The following TIAM2 variants were observed in gnomAD, a reference collection of about 807,000 sequenced individuals.
TIAM2 encodes the protein TIAM Rac1 associated GEF 2.
Under a neutral mutation model 152.9 loss-of-function variants are expected in TIAM2, and 80 were observed. The observed-to-expected ratio is 0.52, with a 90% CI of 0.44 to 0.63. The LOEUF is 0.63. Ranked by LOEUF, TIAM2 falls within the 30% of genes least tolerant of loss-of-function variation. The pLI, the probability that TIAM2 is intolerant of heterozygous loss-of-function variation, is 0.00. For missense variants in TIAM2, 1,965 were observed against 2,120.1 expected (o/e 0.93, Z 1.44); for synonymous variants, 804 against 838.0 (o/e 0.96, Z 0.70).
chr6:155,023,048 T>G (rs994072761), intron 1 of TIAM2, among the ~76,000 whole-genome samples: 2 of 100,536 alleles, frequency 2.0e-5, no homozygotes, highest in African/African-American at 3.4e-5. Flanking sequence ...TTCTGTTTTT[T>G]TTTTTTTTTT....
intron 4 of TIAM2, among the ~76,000 whole-genome samples, chr6:155,130,757 G>A (rs1041905804): frequency 6.6e-6 from 1 of 152,172 alleles, no homozygotes; most frequent in Non-Finnish European, 1.5e-5. Flanking sequence ...AGTGTGGTCC[G>A]ATTCTGGGGA....
intron 1 of TIAM2, among the ~76,000 whole-genome samples, chr6:155,061,629 A>G (rs1184279924): frequency 2.0e-5 from 3 of 152,132 alleles, no homozygotes; most frequent in Admixed American, 2.0e-4. Context: ...GTGTTTGTGT[A>G]GTTTGTGTTT....
intron 1 of TIAM2, among the ~76,000 whole-genome samples, chr6:155,018,284 T>C (rs945635378): frequency 6.9e-6 from 1 of 145,278 alleles, no homozygotes; most frequent in African/African-American, 2.6e-5. Flanking sequence ...TATATATATG[T>C]ATGTATATAT....
At chr6:155,066,073 C>G (rs137896990) in intron 1 of TIAM2, among the ~76,000 whole-genome samples, 1 of 152,182 alleles carries the variant, frequency 6.6e-6, no homozygotes, top group Non-Finnish European at 1.5e-5. Flanking sequence ...GAAGCCTTCC[C>G]GGAAAAATGG....
intron 16 of TIAM2, 42 bp downstream of exon 16, chr6:155,240,751 T>C (rs2115309952): frequency 1.3e-6 from 2 of 1,571,690 alleles, no homozygotes; most frequent in South Asian, 2.3e-5. Flanking sequence ...GCCTCTTTGA[T>C]GATGGCAAGT....
At chr6:155,076,877 G>T (rs1022037604) in intron 1 of TIAM2, among the ~76,000 whole-genome samples, 1 of 152,150 alleles carries the variant, frequency 6.6e-6, no homozygotes, top group Non-Finnish European at 1.5e-5. Context: ...TGTATTTTTA[G>T]TAGAGACGGA....
In TIAM2 at chr6:155,155,619, C is replaced by A. The variant is rs191367179; in HGVS notation, c.2028+7285C>A. 1.2e-4 allele frequency among the ~76,000 whole-genome samples: 19 copies of A among 152,220 alleles called. No individual in the cohort carries two copies. The East Asian group carries it at 1.5e-3, about 12-fold the overall frequency. On this transcript the variant is annotated intron_variant, in intron 7 of 26. Coordinates refer to ENST00000682666, the MANE Select transcript of TIAM2 (RefSeq NM_012454.4). The stretch of plus-strand genomic sequence containing the variant: ...CCTCCTGGGTAGCTGGGATTACAGG[C>A]GTACGCCACCACACCCGGCAAATTT...
intron 1 of TIAM2, among the ~76,000 whole-genome samples, chr6:155,068,646 CG>C (rs1484517172): frequency 5.5e-5 from 8 of 144,156 alleles, no homozygotes; most frequent in African/African-American, 2.0e-4. Flanking sequence ...TTGTAGAGAT[CG>C]GGTTTCACCA....
intron 2 of TIAM2, among the ~76,000 whole-genome samples, chr6:155,117,298 C>T (rs1779038693): frequency 6.6e-6 from 1 of 150,622 alleles, no homozygotes; most frequent in Non-Finnish European, 1.5e-5. Flanking sequence ...TTTAAATTCC[C>T]TGAAATATTT....
In TIAM2 at chr6:155,165,348, C is replaced by T. The variant is rs751384917; in HGVS notation, c.2300C>T (p.Ser767Leu). The stretch of plus-strand genomic sequence containing the variant: ...AGAAACAAGAAGGGAATATTTTCTT[C>T]GTTAAAAGGGCTGGACACACTGGCC... ...RGRNKKGIFS[S>L]LKGLDTLARK... Residue 767 changes from serine (S) to leucine (L), a missense_variant, in exon 9 of 27, where the codon TCG becomes TTG. Around this residue, in one of 3 missense-constraint regions of TIAM2, gnomAD observed 1,025 missense variants for 1,119.4 expected, o/e 0.92. Transcript: ENST00000682666. 27 of 1,614,102 alleles carry T rather than the reference C, an allele frequency of 1.7e-5. No homozygotes were observed. Among genetic ancestry groups the T allele is most frequent in the Admixed American group, 3.3e-5 (2 of 60,002 alleles).
chr6:155,085,717 T>C (rs1331955687), intron 1 of TIAM2, among the ~76,000 whole-genome samples: 1 of 152,190 alleles, frequency 6.6e-6, no homozygotes, highest in African/African-American at 2.4e-5. Flanking sequence ...TCATGTTAAA[T>C]TAAAATTACA....
chr6:155,100,080 G>T (rs559545745), intron 2 of TIAM2, among the ~76,000 whole-genome samples: 15 of 152,038 alleles, frequency 9.9e-5, no homozygotes, highest in Non-Finnish European at 1.6e-4. Flanking sequence ...TGCTGCACAT[G>T]ACTGTATTAA....
At chr6:155,054,356 G>A (rs1362025165) in intron 1 of TIAM2, among the ~76,000 whole-genome samples, 9 of 152,142 alleles carry the variant, frequency 5.9e-5, no homozygotes, top group Non-Finnish European at 1.0e-4. Context: ...GGCGTCCAAT[G>A]AAGCCTCTTT....
chr6:155,201,140 AT>A (rs1178688892), intron 14 of TIAM2, among the ~76,000 whole-genome samples: 1 of 152,174 alleles, frequency 6.6e-6, no homozygotes, highest in African/African-American at 2.4e-5. Context: ...GTATGAATCA[AT>A]TCTTCATTCC....
chr6:155,094,816 C>T (rs2114985222), intron 2 of TIAM2, among the ~76,000 whole-genome samples: 1 of 150,900 alleles, frequency 6.6e-6, no homozygotes, highest in African/African-American at 2.4e-5. Flanking sequence ...TTCCTGAGCT[C>T]AAGTGATCCG....
intron 5 of TIAM2, 80 bp from the exon 6 acceptor site, chr6:155,144,526 A>C: frequency 7.3e-7 from 1 of 1,370,724 alleles, no homozygotes; most frequent in Non-Finnish European, 9.5e-7. Context: ...GTTTTTAAAA[A>C]AGTGTGTCAC....
chr6:155,117,808 C>G (rs1379658483), intron 2 of TIAM2, among the ~76,000 whole-genome samples: 1 of 152,212 alleles, frequency 6.6e-6, no homozygotes, highest in Admixed American at 6.5e-5. Context: ...CCTCCAGGCA[C>G]AAGCTGATGA....
At chr6:155,071,668 G>T (rs879547681) in intron 1 of TIAM2, among the ~76,000 whole-genome samples, 3 of 152,226 alleles carry the variant, frequency 2.0e-5, no homozygotes, top group Admixed American at 2.0e-4. Context: ...ACTTTCAGAG[G>T]CCGATCACCT....
chr6:155,197,484 C>T (rs1416646904), intron 14 of TIAM2, among the ~76,000 whole-genome samples: 1 of 152,140 alleles, frequency 6.6e-6, no homozygotes, highest in Non-Finnish European at 1.5e-5. Context: ...AAATGCCAGT[C>T]ACCGCATGTG....
Sources: gnomAD v4.1 joint callset for allele counts (sites outside exome capture counted in the v4.1 genomes callset) on GRCh38, gnomAD v4.1.1 for gene constraint, gnomAD v4.1.1 regional missense constraint, MANE v1.5 for transcripts, NCBI Gene and HGNC (gene_info 2026-07-23, HGNC 2026-07-21) for gene names.